The following CADM2 variants were observed in gnomAD, a reference collection of about 807,000 sequenced individuals.
The protein encoded by CADM2 is immunoglobulin superfamily member 4D.
In CADM2, 12 loss-of-function variants were observed where a neutral mutation model predicts 49.8. The observed-to-expected ratio is 0.24, with a 90% CI of 0.15 to 0.39. The LOEUF (loss-of-function observed/expected upper bound fraction) is 0.39, where lower values mean the gene tolerates loss of function less well. Ranked by LOEUF, CADM2 falls within the 10% of genes least tolerant of loss-of-function variation. The pLI, the probability that CADM2 is intolerant of heterozygous loss-of-function variation, is 1.00. For synonymous variants in CADM2, 214 were observed against 175.4 expected, an observed-to-expected ratio of 1.22 and a Z score of -1.74; for missense variants, 378 against 492.3, an observed-to-expected ratio of 0.77 and a Z score of 2.20.
chr3:85,230,080 G>A (rs1273206598), intron 1 of CADM2, among the ~76,000 whole-genome samples: 1 of 152,104 alleles, frequency 6.6e-6, no homozygotes, highest in Non-Finnish European at 1.5e-5. Context: ...GCACTGGCAG[G>A]AATTAAACAG....
At chr3:85,082,292 C>T (rs1235849988) in intron 1 of CADM2, among the ~76,000 whole-genome samples, 2 of 151,990 alleles carry the variant, frequency 1.3e-5, no homozygotes, top group African/African-American at 4.8e-5. Context: ...TGCTTGGGAC[C>T]TTATTACATA....
intron 3 of CADM2, 31 bp downstream of exon 3, chr3:85,802,227 C>G (rs373882299): frequency 6.4e-7 from 1 of 1,571,154 alleles, no homozygotes; most frequent in South Asian, 1.2e-5. Context: ...ATGTTTTAAT[C>G]GTATTCTAAA....
intron 1 of CADM2, among the ~76,000 whole-genome samples, chr3:85,645,077 C>G (rs371984308): frequency 6.6e-6 from 1 of 151,714 alleles, no homozygotes; most frequent in Non-Finnish European, 1.5e-5. Flanking sequence ...GATTATAAGC[C>G]CATTCTTCTC....
At chr3:85,220,850 T>G (rs2107791434) in intron 1 of CADM2, among the ~76,000 whole-genome samples, 1 of 152,252 alleles carries the variant, frequency 6.6e-6, no homozygotes, top group African/African-American at 2.4e-5. Flanking sequence ...CACATTTTCC[T>G]TTGGATAATA....
intron 1 of CADM2, among the ~76,000 whole-genome samples, chr3:85,079,191 A>T (rs1174566696): frequency 6.6e-6 from 1 of 151,876 alleles, no homozygotes; most frequent in Non-Finnish European, 1.5e-5. Flanking sequence ...AAATTTAAAC[A>T]TATAAAACAT....
intron 1 of CADM2, among the ~76,000 whole-genome samples, chr3:85,385,046 C>T (rs1402336846): frequency 2.0e-5 from 3 of 152,024 alleles, no homozygotes; most frequent in Non-Finnish European, 4.4e-5. Context: ...AGTGATTCTC[C>T]TGCCTCAATT....
rs117673332 is a variant in CADM2, at chr3:85,124,467, C to T, written c.61+164799C>T. On this transcript the variant is annotated intron_variant, in intron 1 of 9. Transcript: ENST00000383699. ...ATTTTTTTTTTTAATTAGCTGGGCACGGTGGTGCATGCCTGTAGTCCCAGC... is the reference window on the plus strand; with the variant it reads ...ATTTTTTTTTTTAATTAGCTGGGCATGGTGGTGCATGCCTGTAGTCCCAGC... 2.6e-3 allele frequency among the ~76,000 whole-genome samples: 396 copies of T among 151,572 alleles called. 12 individuals are homozygous for T. In the East Asian group the frequency reaches 0.046, roughly 18 times the overall value.
chr3:85,773,511 C>G (rs1228014267), intron 2 of CADM2, among the ~76,000 whole-genome samples: 1 of 152,002 alleles, frequency 6.6e-6, no homozygotes, highest in Non-Finnish European at 1.5e-5. Context: ...CATAAAAAGT[C>G]TTTCACTTAT....
chr3:85,952,822 T>C (rs1010499549), intron 7 of CADM2, among the ~76,000 whole-genome samples: 1 of 150,946 alleles, frequency 6.6e-6, no homozygotes, highest in Non-Finnish European at 1.5e-5. Flanking sequence ...TTAAGAACTG[T>C]ATATATGGCC....
chr3:86,047,082 G>A (rs764498317), intron 8 of CADM2, among the ~76,000 whole-genome samples: 2 of 151,956 alleles, frequency 1.3e-5, no homozygotes, highest in African/African-American at 2.4e-5. Context: ...GTTCTAGGCT[G>A]CTATGAAATT....
At chr3:84,984,917 C>T (rs944264568) in intron 1 of CADM2, among the ~76,000 whole-genome samples, 1 of 152,158 alleles carries the variant, frequency 6.6e-6, no homozygotes, top group East Asian at 1.9e-4. Context: ...TGAAAACAAG[C>T]CATATTTGGT....
At chr3:86,008,886 G>T (rs530603543) in intron 8 of CADM2, among the ~76,000 whole-genome samples, 2 of 151,740 alleles carry the variant, frequency 1.3e-5, no homozygotes, top group Admixed American at 1.3e-4. Flanking sequence ...AAATTAACAA[G>T]TATCTTCTCA....
chr3:85,554,879 TTTA>T (rs1374855099), intron 1 of CADM2, among the ~76,000 whole-genome samples: 28 of 29,364 alleles, frequency 9.5e-4, no homozygotes, highest in East Asian at 0.02. Context: ...TTTTTTTATT[TTTA>T]TTTTTTTTTT....
chr3:85,912,758 G>A (rs1717785310), intron 6 of CADM2, among the ~76,000 whole-genome samples: 1 of 152,176 alleles, frequency 6.6e-6, no homozygotes, highest in Non-Finnish European at 1.5e-5. Context: ...TGAAGGAGAT[G>A]TACGAGGTTA....
chr3:85,489,546 C>T (rs946624512), intron 1 of CADM2, among the ~76,000 whole-genome samples: 4 of 151,978 alleles, frequency 2.6e-5, no homozygotes, highest in African/African-American at 9.7e-5. Context: ...ATAAAAAGAA[C>T]TTTGCTAGAT....
chr3:85,661,826 T>A (rs1006843433), intron 1 of CADM2, among the ~76,000 whole-genome samples: 5 of 152,076 alleles, frequency 3.3e-5, no homozygotes, highest in African/African-American at 1.2e-4. Flanking sequence ...ACTCATTTTT[T>A]TAACTTTTAC....
chr3:84,968,024 C>G (rs751782635), intron 1 of CADM2, among the ~76,000 whole-genome samples: 2 of 152,044 alleles, frequency 1.3e-5, no homozygotes, highest in African/African-American at 2.4e-5. Context: ...CTTTCTAATA[C>G]GAAATCAGTT....
chr3:86,004,717 T>A (rs1021900688), intron 8 of CADM2, among the ~76,000 whole-genome samples: 2 of 152,250 alleles, frequency 1.3e-5, no homozygotes, highest in African/African-American at 4.8e-5. Flanking sequence ...CTTTTCTTCC[T>A]GATTCCATTT....
chr3:85,850,917 A>T (rs890378689), intron 3 of CADM2, among the ~76,000 whole-genome samples: 1 of 152,166 alleles, frequency 6.6e-6, no homozygotes, highest in African/African-American at 2.4e-5. Context: ...CCTTTACTGG[A>T]TGCCGAGACC....
Sources: allele counts gnomAD v4.1 joint callset (sites outside exome capture counted in the v4.1 genomes callset), GRCh38; gene constraint gnomAD v4.1.1; transcripts MANE v1.5; gene names NCBI Gene and HGNC (gene_info 2026-07-23, HGNC 2026-07-21).